Variants in GALNTL6 observed in about 807,000 individuals in gnomAD.
The protein encoded by GALNTL6 is polypeptide N-acetylgalactosaminyltransferase-like 6.
In GALNTL6, 46 loss-of-function variants were observed where a neutral mutation model predicts 73.7. That is an observed-to-expected ratio of 0.62 (90% CI 0.49 to 0.80). The LOEUF (loss-of-function observed/expected upper bound fraction) is 0.80, where lower values mean the gene tolerates loss of function less well. Ranked by LOEUF, GALNTL6 falls within the 30% of genes least tolerant of loss-of-function variation. GALNTL6 has a pLI of 0.00. For synonymous variants in GALNTL6, 259 were observed against 263.7 expected (o/e 0.98, Z 0.17); for missense variants, 604 against 755.0 (o/e 0.80, Z 2.34).
At chr4:172,092,803 T>A (rs1732241047) in intron 2 of GALNTL6, among the ~76,000 whole-genome samples, 1 of 151,826 alleles carries the variant, frequency 6.6e-6, no homozygotes, top group South Asian at 2.1e-4. Context: ...TAAAATTTTG[T>A]CTTGAAGAAA....
At chr4:172,908,713 A>C (rs1034399058) in intron 8 of GALNTL6, among the ~76,000 whole-genome samples, 5 of 151,776 alleles carry the variant, frequency 3.3e-5, no homozygotes, top group African/African-American at 1.2e-4. Flanking sequence ...AAAGAAAAAA[A>C]CAATTTACAA....
At chr4:171,880,838 T>A (rs755893761) in intron 2 of GALNTL6, among the ~76,000 whole-genome samples, 1 of 152,162 alleles carries the variant, frequency 6.6e-6, no homozygotes, top group Admixed American at 6.5e-5. Flanking sequence ...CTGTCAATAG[T>A]TGAAAGTCAC....
intron 5 of GALNTL6, among the ~76,000 whole-genome samples, chr4:172,392,269 A>G (rs1479754009): frequency 6.6e-6 from 1 of 152,178 alleles, no homozygotes; most frequent in Non-Finnish European, 1.5e-5. Context: ...AATCACAGAC[A>G]TGAGCCACCA....
intron 5 of GALNTL6, among the ~76,000 whole-genome samples, chr4:172,782,745 T>C (rs899609722): frequency 1.3e-5 from 2 of 152,058 alleles, no homozygotes; most frequent in Non-Finnish European, 2.9e-5. Flanking sequence ...CACTAGTGCA[T>C]TCATTAAATT....
chr4:171,920,943 T>C (rs1737766004), intron 2 of GALNTL6, among the ~76,000 whole-genome samples: 1 of 152,168 alleles, frequency 6.6e-6, no homozygotes. Flanking sequence ...CCTTCAGTTG[T>C]ATTGTATGCG....
intron 5 of GALNTL6, among the ~76,000 whole-genome samples, chr4:172,429,820 A>G (rs1445927622): frequency 6.6e-6 from 1 of 152,142 alleles, no homozygotes; most frequent in East Asian, 1.9e-4. Flanking sequence ...CAGGAGAAGT[A>G]TGAAGCGTAT....
intron 3 of GALNTL6, among the ~76,000 whole-genome samples, chr4:172,262,290 T>C (rs1738283852): frequency 6.6e-6 from 1 of 151,600 alleles, no homozygotes; most frequent in Admixed American, 6.6e-5. Context: ...GTAATTGTTT[T>C]ATAAATTTGG....
chr4:172,770,265 CAATAAATAAATA>C (rs146415769), intron 5 of GALNTL6, among the ~76,000 whole-genome samples: 6 of 141,348 alleles, frequency 4.2e-5, no homozygotes, highest in Middle Eastern at 3.6e-3. Flanking sequence ...GACTCCATCT[CAATAAATAAATA>C]AATAAATAAA....
intron 2 of GALNTL6, among the ~76,000 whole-genome samples, chr4:171,937,941 G>T (rs903032155): frequency 2.6e-5 from 4 of 152,104 alleles, no homozygotes; most frequent in Non-Finnish European, 5.9e-5. Flanking sequence ...ATGCATTTTT[G>T]TGGCTAATGC....
At chr4:172,688,053 C>T (rs939539316) in intron 5 of GALNTL6, among the ~76,000 whole-genome samples, 2 of 152,092 alleles carry the variant, frequency 1.3e-5, no homozygotes, top group Non-Finnish European at 2.9e-5. Flanking sequence ...TCCTAGATAC[C>T]TTTTGTCCTT....
chr4:172,396,306 CT>C lies in GALNTL6; in HGVS notation c.553+47626del, dbSNP rs1298492401. Reference sequence around the variant, plus strand: ...CGTGCGTAACTGCAATTACTATTTTCTTTTTTTTTCTTTTTTTTTTTTTTAA... The same window carrying C: ...CGTGCGTAACTGCAATTACTATTTTCTTTTTTTTCTTTTTTTTTTTTTTAA... On this transcript the variant is annotated intron_variant, in intron 5 of 12. Transcript: ENST00000506823. Among the ~76,000 whole-genome samples the C allele has an allele frequency of 6.0e-4, 22 of 36,926 alleles. No homozygotes were observed. The South Asian group carries it at 6.1e-3, about 10-fold the overall frequency. The allele number at this position is 36,926 out of a possible 152,430, so 24.2% of individuals were successfully genotyped here. A position where few individuals can be genotyped will look rare whatever the true frequency, so the allele number is the denominator to read the frequency against.
At chr4:171,946,812 G>A (rs1002248769) in intron 2 of GALNTL6, among the ~76,000 whole-genome samples, 1 of 151,590 alleles carries the variant, frequency 6.6e-6, no homozygotes, top group Non-Finnish European at 1.5e-5. Flanking sequence ...TGGCATGTTA[G>A]AGGGACAGAG....
chr4:171,847,440 G>A (rs1735403755), intron 2 of GALNTL6, among the ~76,000 whole-genome samples: 1 of 152,082 alleles, frequency 6.6e-6, no homozygotes, highest in Non-Finnish European at 1.5e-5. Context: ...TGATTGGGGT[G>A]GCTGTGTCAA....
chr4:172,563,961 C>T (rs1270054610), intron 5 of GALNTL6, among the ~76,000 whole-genome samples: 2 of 152,060 alleles, frequency 1.3e-5, no homozygotes, highest in Non-Finnish European at 2.9e-5. Context: ...TTAACATTTA[C>T]AAATATGTTA....
At chr4:172,441,403 C>T (rs566542723) in intron 5 of GALNTL6, among the ~76,000 whole-genome samples, 71 of 152,122 alleles carry the variant, frequency 4.7e-4, no homozygotes, top group African/African-American at 1.5e-3. Context: ...TCTGTAATTT[C>T]AATCAATACT....
At chr4:172,840,354 G>A (rs916720155) in intron 7 of GALNTL6, among the ~76,000 whole-genome samples, 16 of 152,106 alleles carry the variant, frequency 1.1e-4, no homozygotes, top group African/African-American at 3.9e-4. Context: ...TCGATTGTAG[G>A]CCCTTATTCT....
chr4:172,781,145 C>A (rs911064825), intron 5 of GALNTL6, among the ~76,000 whole-genome samples: 26 of 152,258 alleles, frequency 1.7e-4, no homozygotes, highest in Middle Eastern at 3.4e-3. Flanking sequence ...AGTCTGCCTG[C>A]ACTATGTTAT....
rs145023355 is a variant in GALNTL6 at position 173,036,006 on chromosome 4, CTATT to C, written c.1639-3926_1639-3923del. On this transcript the variant is annotated intron_variant, in intron 12 of 12. Coordinates refer to ENST00000506823, the MANE Select transcript of GALNTL6 (RefSeq NM_001034845.3). ...GGACACTATGCCAGTGATTTTATATCTATTAACTCTTTTTATCCTCAAAATAAAT... is the reference window on the plus strand; with the variant it reads ...GGACACTATGCCAGTGATTTTATATCAACTCTTTTTATCCTCAAAATAAAT... Among the ~76,000 whole-genome samples the C allele has an allele frequency of 3.4e-3, 522 of 152,200 alleles. 17 individuals carry two copies. In the East Asian group the frequency reaches 0.077, roughly 23 times the overall value.
chr4:172,589,746 C>T (rs138486920), intron 5 of GALNTL6, among the ~76,000 whole-genome samples: 6 of 152,314 alleles, frequency 3.9e-5, no homozygotes, highest in Non-Finnish European at 8.8e-5. Flanking sequence ...ATTTTTCAGT[C>T]ACTTTAAATG....
Sources: gnomAD v4.1 joint callset for allele counts (sites outside exome capture counted in the v4.1 genomes callset) on GRCh38, gnomAD v4.1.1 for gene constraint, MANE v1.5 for transcripts, NCBI Gene and HGNC (gene_info 2026-07-23, HGNC 2026-07-21) for gene names.